PDSS2: variants seen among roughly 807,000 people sequenced by gnomAD.
PDSS2 encodes the protein decaprenyl diphosphate synthase subunit 2, also known as all trans-polyprenyl-diphosphate synthase PDSS2.
A neutral mutation model predicts 44.5 loss-of-function variants in PDSS2; 31 were observed. The observed-to-expected ratio is 0.70, with a 90% CI of 0.52 to 0.94. The LOEUF is 0.94. Among genes scored for constraint, PDSS2 ranks in the 40% least tolerant of loss-of-function variants. The pLI is 0.00. For synonymous variants in PDSS2, 157 were observed against 180.3 expected, an observed-to-expected ratio of 0.87 and a Z score of 1.03; for missense variants, 452 against 482.2, an observed-to-expected ratio of 0.94 and a Z score of 0.59.
chr6:107,412,221 A>C (rs1240145193), intron 1 of PDSS2, among the ~76,000 whole-genome samples: 4 of 136,730 alleles, frequency 2.9e-5, no homozygotes, highest in African/African-American at 1.1e-4. Flanking sequence ...CTATCTGTTC[A>C]TGTCCTTTGC....
At chr6:107,424,808 T>A (rs1280942123) in intron 1 of PDSS2, among the ~76,000 whole-genome samples, 1 of 152,238 alleles carries the variant, frequency 6.6e-6, no homozygotes, top group Non-Finnish European at 1.5e-5. Flanking sequence ...ACTCATGGAT[T>A]AATGAACTGA....
intron 4 of PDSS2, among the ~76,000 whole-genome samples, chr6:107,243,035 G>T (rs976243956): frequency 6.6e-6 from 1 of 152,228 alleles, no homozygotes; most frequent in Non-Finnish European, 1.5e-5. Flanking sequence ...AGCAATTGGT[G>T]CTTGCTAAGT....
intron 4 of PDSS2, among the ~76,000 whole-genome samples, chr6:107,226,507 C>T (rs1773827564): frequency 6.6e-6 from 1 of 151,912 alleles, no homozygotes. Context: ...AAAGTGTGTT[C>T]CAAGCTGCAA....
chr6:107,438,582 C>T (rs1303828326), intron 1 of PDSS2, among the ~76,000 whole-genome samples: 1 of 152,112 alleles, frequency 6.6e-6, no homozygotes, highest in African/African-American at 2.4e-5. Flanking sequence ...TGAGCCACTA[C>T]AGTAGAGAGT....
At chr6:107,221,360 A>G (rs1773601024) in intron 4 of PDSS2, among the ~76,000 whole-genome samples, 1 of 151,720 alleles carries the variant, frequency 6.6e-6, no homozygotes, top group Non-Finnish European at 1.5e-5. Flanking sequence ...AAAAAAAAAA[A>G]AAAAAAAAAG....
At chr6:107,422,796 TTC>T (rs1337627695) in intron 1 of PDSS2, among the ~76,000 whole-genome samples, 2 of 152,054 alleles carry the variant, frequency 1.3e-5, no homozygotes, top group East Asian at 3.9e-4. Context: ...AGGGTAACTT[TTC>T]GTTATATATT....
At chr6:107,250,811 C>G (rs956276327) in intron 3 of PDSS2, among the ~76,000 whole-genome samples, 3 of 152,134 alleles carry the variant, frequency 2.0e-5, no homozygotes, top group Non-Finnish European at 4.4e-5. Flanking sequence ...CAGCAGACCA[C>G]TCTAATTTGA....
At chr6:107,410,813 C>T (rs1780469360) in intron 1 of PDSS2, among the ~76,000 whole-genome samples, 1 of 151,696 alleles carries the variant, frequency 6.6e-6, no homozygotes, top group Non-Finnish European at 1.5e-5. Flanking sequence ...TGTTTTTTTT[C>T]ACTTAGTATA....
At chr6:107,368,468 A>T (rs1779030274) in intron 1 of PDSS2, among the ~76,000 whole-genome samples, 1 of 152,202 alleles carries the variant, frequency 6.6e-6, no homozygotes, top group Non-Finnish European at 1.5e-5. Context: ...TACAGGTTGG[A>T]AGACTCAGTA....
intron 2 of PDSS2, among the ~76,000 whole-genome samples, chr6:107,279,031 C>T (rs1260779562): frequency 1.3e-5 from 2 of 152,252 alleles, no homozygotes; most frequent in East Asian, 3.9e-4. Context: ...AGCAGCCTGG[C>T]CAACATGGTG....
intron 6 of PDSS2, among the ~76,000 whole-genome samples, chr6:107,206,673 T>TAA (rs549790321): frequency 1.4e-5 from 2 of 146,344 alleles, no homozygotes; most frequent in African/African-American, 2.5e-5. Context: ...GCTGATGAGC[T>TAA]AAAAAAAAAA....
intron 1 of PDSS2, among the ~76,000 whole-genome samples, chr6:107,337,385 C>A (rs1159315768): frequency 1.3e-5 from 2 of 152,186 alleles, no homozygotes; most frequent in Non-Finnish European, 2.9e-5. Flanking sequence ...GATGCTCCAT[C>A]TGCTTCCTTT....
At chr6:107,294,676 T>A (rs1478422024) in intron 2 of PDSS2, among the ~76,000 whole-genome samples, 1 of 152,164 alleles carries the variant, frequency 6.6e-6, no homozygotes, top group Non-Finnish European at 1.5e-5. Flanking sequence ...TCTCATTTAA[T>A]CTTCACCAAG....
Position 107,154,596 on chromosome 6 carries a change from A to G in PDSS2, c.*23T>C. 1 of 1,612,416 alleles carries G rather than the reference A, an allele frequency of 6.2e-7. No individual in the cohort carries two copies. The highest frequency in any genetic ancestry group is 8.5e-7 in the Non-Finnish European group (1 of 1,178,484). On this transcript the variant is annotated 3_prime_UTR_variant, in exon 8 of 8. Coordinates refer to ENST00000369037, the MANE Select transcript of PDSS2 (RefSeq NM_020381.4). ...TCCCTAGGATTTTCAGCTAACTAAC[A>G]ATAGTGTCTTTTTAATTTGATGTCA...
chr6:107,443,618 A>G (rs536267457), intron 1 of PDSS2, among the ~76,000 whole-genome samples: 3 of 152,172 alleles, frequency 2.0e-5, no homozygotes, highest in Non-Finnish European at 2.9e-5. Flanking sequence ...GCAGAAGCAG[A>G]TATTTCTAGC....
intron 2 of PDSS2, among the ~76,000 whole-genome samples, chr6:107,310,636 G>A (rs2500587): frequency 0.036 from 5,547 of 152,118 alleles, 162 homozygotes; most frequent in Middle Eastern, 0.11. Context: ...ATTTACTACC[G>A]CTTTAAAATT....
chr6:107,260,624 G>A (rs1291111154), intron 3 of PDSS2, among the ~76,000 whole-genome samples: 4 of 149,874 alleles, frequency 2.7e-5, no homozygotes, highest in African/African-American at 9.8e-5. Flanking sequence ...CTACCTTCCA[G>A]AAGTAAAATT....
At chr6:107,391,418 G>A (rs1010796577) in intron 1 of PDSS2, among the ~76,000 whole-genome samples, 1 of 152,088 alleles carries the variant, frequency 6.6e-6, no homozygotes, top group African/African-American at 2.4e-5. Flanking sequence ...ACTGTCTACT[G>A]TAAGTATAAG....
rs1342557726 is a variant in PDSS2 at position 107,241,243 on chromosome 6, G to A, written c.702+4305C>T. Reference sequence around the variant, plus strand: ...TAGCCTGGGCAACAGAGCGAGACTCGGTAAAAAAAAAAAAAAAAAAAAGTA... The same window carrying A: ...TAGCCTGGGCAACAGAGCGAGACTCAGTAAAAAAAAAAAAAAAAAAAAGTA... On this transcript the variant is annotated intron_variant, in intron 4 of 7. Coordinates refer to ENST00000369037, the MANE Select transcript of PDSS2 (RefSeq NM_020381.4). 1.8e-4 allele frequency among the ~76,000 whole-genome samples: 18 copies of A among 99,064 alleles called. No homozygotes were observed. The Admixed American group carries it at 1.9e-3, about 10-fold the overall frequency. 65.0% of individuals were successfully genotyped at this position (99,064 alleles called of 152,430 possible). A position where few individuals can be genotyped will look rare whatever the true frequency, so the allele number is the denominator to read the frequency against.
Sources: gnomAD v4.1 joint callset for allele counts (sites outside exome capture counted in the v4.1 genomes callset) on GRCh38, gnomAD v4.1.1 for gene constraint, MANE v1.5 for transcripts, NCBI Gene and HGNC (gene_info 2026-07-23, HGNC 2026-07-21) for gene names.